Variants in CAMK2B observed in about 807,000 individuals in gnomAD.
CAMK2B encodes the protein calcium/calmodulin-dependent protein kinase type II subunit beta.
A neutral mutation model predicts 93.7 loss-of-function variants in CAMK2B; 27 were observed. The ratio of observed to expected loss-of-function variants is 0.29; its 90% CI spans 0.21 to 0.40. The LOEUF (loss-of-function observed/expected upper bound fraction) is 0.40. Ranked by LOEUF, CAMK2B falls within the 10% of genes least tolerant of loss-of-function variation. CAMK2B has a pLI of 1.00. For synonymous variants in CAMK2B, 374 were observed against 358.8 expected (o/e 1.04, Z -0.48); for missense variants, 568 against 895.8 (o/e 0.63, Z 4.67).
intron 1 of CAMK2B, among the ~76,000 whole-genome samples, chr7:44,295,080 C>T (rs1787933991): frequency 6.6e-6 from 1 of 152,146 alleles, no homozygotes; most frequent in South Asian, 2.1e-4. Context: ...TAACTTAGCG[C>T]TGGTCTGCAA....
chr7:44,252,066 G>A (rs2096785770), intron 5 of CAMK2B, among the ~76,000 whole-genome samples: 1 of 152,170 alleles, frequency 6.6e-6, no homozygotes, highest in African/African-American at 2.4e-5. Context: ...GGGGTGCTGT[G>A]TGTCCATCCG....
intron 5 of CAMK2B, among the ~76,000 whole-genome samples, chr7:44,251,158 C>T (rs777948722): frequency 1.5e-4 from 23 of 152,194 alleles, no homozygotes; most frequent in Admixed American, 5.2e-4. Flanking sequence ...AAAGCACCTC[C>T]CTGCCTGGGT....
chr7:44,252,301 G>T (rs931383431), intron 5 of CAMK2B, among the ~76,000 whole-genome samples: 1 of 151,916 alleles, frequency 6.6e-6, no homozygotes, highest in Non-Finnish European at 1.5e-5. Flanking sequence ...CCAGAGTGGG[G>T]GATAACAGGT....
chr7:44,271,016 T>G lies in CAMK2B; in HGVS notation c.161-7952A>C, dbSNP rs2096969594. On this transcript the variant is annotated intron_variant, in intron 2 of 23. Coordinates refer to ENST00000395749, the MANE Select transcript of CAMK2B (RefSeq NM_001220.5). The surrounding 1 kb of genome is among the most constrained non-coding windows in gnomAD (Gnocchi z 4.2). ...TCACTGCAAACTCCACCTCCCGGGT[T>G]CAAGTGATTCTCCCATGTCAGCCTC... Among the ~76,000 whole-genome samples, 1 of 152,192 alleles carries G rather than the reference T, an allele frequency of 6.6e-6. No individual in the cohort carries two copies. Among genetic ancestry groups the G allele is most frequent in the Admixed American group, 6.5e-5 (1 of 15,280 alleles).
intron 12 of CAMK2B, among the ~76,000 whole-genome samples, chr7:44,240,299 G>C (rs1036818739): frequency 6.6e-6 from 1 of 152,162 alleles, no homozygotes; most frequent in East Asian, 1.9e-4. Flanking sequence ...GGAGGCCCCC[G>C]AGCCTCCCGC....
chr7:44,269,199 G>A (rs1472352084), intron 2 of CAMK2B, among the ~76,000 whole-genome samples: 1 of 152,126 alleles, frequency 6.6e-6, no homozygotes, highest in Non-Finnish European at 1.5e-5. Flanking sequence ...AAGCTGCCAG[G>A]GCTGAAAGGG....
chr7:44,288,413 G>A (rs2129127598), intron 1 of CAMK2B, among the ~76,000 whole-genome samples: 1 of 152,334 alleles, frequency 6.6e-6, no homozygotes, highest in East Asian at 1.9e-4. Context: ...CAGCGGGTTG[G>A]GGCAAAGGCA....
intron 12 of CAMK2B, 104 bp from the exon 13 acceptor site, chr7:44,239,767 ATTAGAG>A (rs370991261): frequency 4.7e-5 from 38 of 814,142 alleles, no homozygotes; most frequent in East Asian, 3.5e-4. Context: ...GCAGAAGAAG[ATTAGAG>A]TTAAAGTTTA....
Position 44,242,357 on chromosome 7 carries a change from C to T in CAMK2B, c.697-17G>A, listed in dbSNP as rs199982050. Reference sequence around the variant, plus strand: ...GGACGGGAACTGCAGAAGGAAACAGCGCCCCGGCCGGGCCTGAAGCTCCCT... The same window carrying T: ...GGACGGGAACTGCAGAAGGAAACAGTGCCCCGGCCGGGCCTGAAGCTCCCT... On this transcript the variant is annotated splice_polypyrimidine_tract_variant and intron_variant, in intron 9 of 23. Transcript: ENST00000395749. 1.2e-5 allele frequency: 19 copies of T among 1,608,418 alleles called. No individual in the cohort carries two copies. Among genetic ancestry groups the T allele is most frequent in the East Asian group, 8.9e-5 (4 of 44,840 alleles).
At chr7:44,287,728 C>T (rs1331583221) in intron 1 of CAMK2B, among the ~76,000 whole-genome samples, 1 of 152,248 alleles carries the variant, frequency 6.6e-6, no homozygotes, top group African/African-American at 2.4e-5. Flanking sequence ...TATCATAAGC[C>T]TGTCCCTGCT....
intron 1 of CAMK2B, among the ~76,000 whole-genome samples, chr7:44,298,669 C>T (rs186882555): frequency 6.2e-4 from 94 of 152,164 alleles, no homozygotes; most frequent in African/African-American, 1.9e-3. Flanking sequence ...AACTACTAAA[C>T]GTCAATAACA....
At chr7:44,229,624 C>T in intron 17 of CAMK2B, 123 bp from the exon 18 acceptor site, 1 of 295,098 alleles carries the variant, frequency 3.4e-6, no homozygotes. Context: ...CCTGGGGCTC[C>T]TGGGGTGGAG....
intron 20 of CAMK2B, among the ~76,000 whole-genome samples, chr7:44,223,160 A>G (rs112081702): frequency 0.011 from 1,693 of 152,344 alleles, 22 homozygotes; most frequent in African/African-American, 0.039. Context: ...GTGTGTGTGC[A>G]GTGCCTATGA....
intron 2 of CAMK2B, among the ~76,000 whole-genome samples, chr7:44,270,926 T>G (rs1332242370): frequency 6.6e-6 from 1 of 152,164 alleles, no homozygotes; most frequent in Non-Finnish European, 1.5e-5. Flanking sequence ...TTTTCTTTTC[T>G]TTTCTTTTTT....
intron 20 of CAMK2B, 44 bp downstream of exon 20, chr7:44,226,472 C>A: frequency 7.3e-7 from 1 of 1,365,718 alleles, no homozygotes; most frequent in Non-Finnish European, 9.5e-7. Context: ...CGCCCCGAGC[C>A]CCTCCGGGCA....
chr7:44,225,908 G>C lies in CAMK2B; in HGVS notation c.1597+608C>G, dbSNP rs1384155382. On this transcript the variant is annotated intron_variant, in intron 20 of 23. Transcript: ENST00000395749. The surrounding 1 kb of genome is among the most constrained non-coding windows in gnomAD (Gnocchi z 5.0). ...CATCCATCCCTGTAAGTGATACTGC[G>C]GGTAGTCGGCAGACAGACCGGGAGG... The C allele has an allele frequency of 3.1e-6, 4 of 1,285,670 alleles. No homozygotes were observed. In the South Asian group the frequency reaches 3.7e-5, roughly 12 times the overall value. The allele number at this position is 1,285,670 out of a possible 1,614,324, so 79.6% of individuals were successfully genotyped here.
chr7:44,324,516 C>T (rs1001689604), intron 1 of CAMK2B, among the ~76,000 whole-genome samples: 5 of 152,240 alleles, frequency 3.3e-5, no homozygotes, highest in Non-Finnish European at 7.3e-5. Context: ...TCGCCCTACA[C>T]TGCTCATACT....
Position 44,242,013 on chromosome 7 carries a change from T to C in CAMK2B, c.819+205A>G, listed in dbSNP as rs957289647. On this transcript the variant is annotated intron_variant, in intron 10 of 23. Transcript: ENST00000395749. ...CTGCAGTTGGGAGGAAGGGATCACC[T>C]CTACCCTCTAATGCCTTCCAAGCCC... Among the ~76,000 whole-genome samples, 18 of 152,294 alleles carry C rather than the reference T, an allele frequency of 1.2e-4. 1 individual carries two copies. Among genetic ancestry groups the C allele is most frequent in the Middle Eastern group, 3.4e-3 (1 of 294 alleles).
intron 5 of CAMK2B, among the ~76,000 whole-genome samples, chr7:44,253,599 T>C (rs1033054408): frequency 1.3e-5 from 2 of 151,796 alleles, no homozygotes; most frequent in Admixed American, 6.6e-5. Flanking sequence ...TAGCCTTATT[T>C]ATGTATTTAT....
Sources: allele counts gnomAD v4.1 joint callset (sites outside exome capture counted in the v4.1 genomes callset), GRCh38; gene constraint gnomAD v4.1.1; non-coding constraint Gnocchi (gnomAD v3.1); transcripts MANE v1.5; gene names NCBI Gene and HGNC (gene_info 2026-07-23, HGNC 2026-07-21).